The following ZFHX3 variants were observed in gnomAD, a reference collection of about 807,000 sequenced individuals.
ZFHX3 encodes zinc finger homeobox 3.
In ZFHX3, 42 loss-of-function variants were observed where a neutral mutation model predicts 279.1. That is an observed-to-expected ratio of 0.15 (90% CI 0.12 to 0.19). ZFHX3 has a LOEUF of 0.19. ZFHX3 is among the 10% of genes least tolerant of loss of function. ZFHX3 has a pLI of 1.00. For synonymous variants in ZFHX3, 2,293 were observed against 1,957.8 expected (o/e 1.17, Z -4.52); for missense variants, 4,981 against 4,754.0 (o/e 1.05, Z -1.40).
intron 8 of ZFHX3, among the ~76,000 whole-genome samples, chr16:73,075,573 A>C (rs1965878576): frequency 6.6e-6 from 1 of 152,172 alleles, no homozygotes; most frequent in Admixed American, 6.6e-5. Context: ...ATACAATATA[A>C]ATAAATTAAA....
chr16:72,963,795 C>A (rs1234050549), intron 1 of ZFHX3, among the ~76,000 whole-genome samples: 2 of 152,068 alleles, frequency 1.3e-5, no homozygotes, highest in East Asian at 3.8e-4. Context: ...GGGAGGGGTG[C>A]AGTTATGACG....
intron 5 of ZFHX3, among the ~76,000 whole-genome samples, chr16:73,238,999 C>G (rs7197618): frequency 0.014 from 2,108 of 152,280 alleles, 58 homozygotes; most frequent in African/African-American, 0.049. Flanking sequence ...CAGCATGACT[C>G]CACTTTCACA....
intron 3 of ZFHX3, among the ~76,000 whole-genome samples, chr16:72,931,307 A>G (rs1328900240): frequency 3.9e-5 from 6 of 151,964 alleles, no homozygotes; most frequent in South Asian, 4.2e-4. Flanking sequence ...GTTTCGCATT[A>G]AGTTCTCCTT....
chr16:73,398,093 C>T (rs890201773), intron 3 of ZFHX3, among the ~76,000 whole-genome samples: 16 of 152,214 alleles, frequency 1.1e-4, no homozygotes, highest in Non-Finnish European at 1.9e-4. Context: ...GATCCACCCA[C>T]CTAGGCCTCC....
At chr16:73,342,593 T>C (rs1230521021) in intron 3 of ZFHX3, among the ~76,000 whole-genome samples, 1 of 152,198 alleles carries the variant, frequency 6.6e-6, no homozygotes, top group Admixed American at 6.5e-5. Context: ...ATTCTCTATT[T>C]TTTATAAGAA....
intron 1 of ZFHX3, among the ~76,000 whole-genome samples, chr16:73,712,709 G>A (rs865892985): frequency 6.6e-6 from 1 of 152,188 alleles, no homozygotes; most frequent in African/African-American, 2.4e-5. Context: ...AACCAAGTCA[G>A]GGCTGAGAAT....
Position 73,493,764 on chromosome 16 carries a change from G to T in ZFHX3, c.-1546-37506C>A, listed in dbSNP as rs528420137. Among the ~76,000 whole-genome samples, 11 of 152,188 alleles carry T rather than the reference G, an allele frequency of 7.2e-5. No individual in the cohort carries two copies. In the South Asian group the frequency reaches 2.3e-3, roughly 32 times the overall value. ...AAAAAAACCATTGTTCCTGGGTGTG[G>T]CAGGCTCATGGGTGGGCACATGCAC... On this transcript the variant is annotated intron_variant, in intron 2 of 17. Transcript: ENST00000641206.
chr16:72,902,143 T>C (rs2039053551), intron 3 of ZFHX3, among the ~76,000 whole-genome samples: 1 of 152,212 alleles, frequency 6.6e-6, no homozygotes, highest in Non-Finnish European at 1.5e-5. Flanking sequence ...ATAGAGGCAA[T>C]CGTTTTCAAC....
chr16:73,410,513 A>G (rs538935253), intron 3 of ZFHX3, among the ~76,000 whole-genome samples: 1 of 152,356 alleles, frequency 6.6e-6, no homozygotes, highest in African/African-American at 2.4e-5. Flanking sequence ...TGGGTACCCC[A>G]TTTACCCTGA....
intron 1 of ZFHX3, among the ~76,000 whole-genome samples, chr16:73,778,236 TAAAAAAAAAAAAAAA>T (rs10654824): frequency 1.7e-5 from 1 of 58,706 alleles, no homozygotes; most frequent in South Asian, 8.0e-4. Flanking sequence ...GAAGGAGTGT[TAAAAAAAAAAAAAAA>T]AAAAAAAAAA....
chr16:73,490,986 C>T (rs2019048777), intron 2 of ZFHX3, among the ~76,000 whole-genome samples: 1 of 152,152 alleles, frequency 6.6e-6, no homozygotes, highest in African/African-American at 2.4e-5. Context: ...CTGTTGGGTG[C>T]AGTTTTTATA....
chr16:73,738,929 C>T (rs1386857561), intron 1 of ZFHX3, among the ~76,000 whole-genome samples: 1 of 152,182 alleles, frequency 6.6e-6, no homozygotes. Context: ...CTTCCAGAAG[C>T]TTCCTTTCGT....
chr16:73,355,904 T>A (rs1253249983), intron 3 of ZFHX3, among the ~76,000 whole-genome samples: 1 of 152,160 alleles, frequency 6.6e-6, no homozygotes, highest in Non-Finnish European at 1.5e-5. Flanking sequence ...TTACTCAGGG[T>A]CACACAGCTC....
intron 5 of ZFHX3, among the ~76,000 whole-genome samples, chr16:73,203,738 T>G (rs2011687002): frequency 6.6e-6 from 1 of 152,212 alleles, no homozygotes; most frequent in Non-Finnish European, 1.5e-5. Flanking sequence ...TACTGAGCAC[T>G]TACTGCAGTA....
At chr16:73,594,954 G>A (rs1455794627) in intron 2 of ZFHX3, among the ~76,000 whole-genome samples, 2 of 152,106 alleles carry the variant, frequency 1.3e-5, no homozygotes, top group African/African-American at 4.8e-5. Flanking sequence ...ACTCAGGTAT[G>A]GCCCCACAAT....
intron 1 of ZFHX3, among the ~76,000 whole-genome samples, chr16:73,845,633 T>A (rs1325141050): frequency 6.6e-6 from 1 of 152,186 alleles, no homozygotes; most frequent in African/African-American, 2.4e-5. Context: ...CTTCTGATGC[T>A]GTGTCACTCG....
At chr16:73,317,685 C>T (rs1439130966) in intron 4 of ZFHX3, among the ~76,000 whole-genome samples, 1 of 152,142 alleles carries the variant, frequency 6.6e-6, no homozygotes, top group African/African-American at 2.4e-5. Context: ...CCCAGATGAG[C>T]CCTAAGGAGA....
At chr16:73,345,422 T>C (rs2016106026) in intron 3 of ZFHX3, among the ~76,000 whole-genome samples, 1 of 125,042 alleles carries the variant, frequency 8.0e-6, no homozygotes, top group East Asian at 2.9e-4. Context: ...CCCCAGTATG[T>C]GTTGTTCCCC....
rs1314825000 is a variant in ZFHX3 at position 73,817,390 on chromosome 16, T to C, written c.-1608+74261A>G. 2.6e-5 allele frequency among the ~76,000 whole-genome samples: 4 copies of C among 152,212 alleles called. No individual in the cohort carries two copies. In the East Asian group the frequency reaches 7.7e-4, roughly 29 times the overall value. On this transcript the variant is annotated intron_variant, in intron 1 of 17. Coordinates refer to the ZFHX3 transcript ENST00000641206. ...TCTCAAAGTTGCTCTGGCAGGTCAA[T>C]ATCCTGTCATCACTAATCCTGCAAA...
Sources: gnomAD v4.1 joint callset for allele counts (sites outside exome capture counted in the v4.1 genomes callset) on GRCh38, gnomAD v4.1.1 for gene constraint, MANE v1.5 for transcripts, NCBI Gene and HGNC (gene_info 2026-07-23, HGNC 2026-07-21) for gene names.